Variants in GLRA1 observed in about 807,000 individuals in gnomAD.
The protein encoded by GLRA1 is glycine receptor subunit alpha-1.
A neutral mutation model predicts 48.3 loss-of-function variants in GLRA1; 37 were observed. The ratio of observed to expected loss-of-function variants is 0.77; its 90% CI spans 0.59 to 1.01. The LOEUF (loss-of-function observed/expected upper bound fraction) is 1.01. GLRA1 is among the 50% of genes least tolerant of loss of function. The pLI is 0.00. For synonymous variants in GLRA1, 196 were observed against 210.7 expected (o/e 0.93, Z 0.60); for missense variants, 427 against 571.0 (o/e 0.75, Z 2.57).
chr5:151,836,927 C>T (rs1317768302), intron 7 of GLRA1, among the ~76,000 whole-genome samples: 1 of 152,038 alleles, frequency 6.6e-6, no homozygotes, highest in Non-Finnish European at 1.5e-5. Flanking sequence ...GCAACAAAAG[C>T]CAAAATTGAC....
In GLRA1 at chr5:151,924,851, T is replaced by G; in HGVS notation, c.-302A>C. On this transcript the variant is annotated 5_prime_UTR_variant, in exon 1 of 9. Transcript: ENST00000274576. The stretch of plus-strand genomic sequence containing the variant: ...CGTGTCTGTTGGCTCCCTGCGGCGC[T>G]GGGGAGGCACGTTTGGGGGTGGGTA... 1.8e-5 allele frequency: 8 copies of G among 439,422 alleles called. No homozygotes were observed. The highest frequency in any genetic ancestry group is 8.6e-5 in the East Asian group (2 of 23,378). 27.2% of individuals were successfully genotyped at this position (439,422 alleles called of 1,614,324 possible). A position where few individuals can be genotyped will look rare whatever the true frequency, so the allele number is the denominator to read the frequency against.
chr5:151,850,785 CA>C (rs1358069766), intron 7 of GLRA1: 4 of 916,050 alleles, frequency 4.4e-6, no homozygotes, highest in Non-Finnish European at 7.3e-6. Flanking sequence ...CCTTCCAGTA[CA>C]AAAACTAAGT....
chr5:151,866,576 A>G (rs1347013196), intron 3 of GLRA1, among the ~76,000 whole-genome samples: 1 of 152,228 alleles, frequency 6.6e-6, no homozygotes, highest in Non-Finnish European at 1.5e-5. Flanking sequence ...GGTAAACAAA[A>G]GAACCAGATT....
chr5:151,822,949 T>C lies in GLRA1; in HGVS notation c.1074A>G (p.Gly358=), dbSNP rs377129430. ...AGGCAGAGAAGTTAAAGCGGCCTTC[T>C]CCAGCTTCATCCTCCTGGAATAGAT... The part of the protein sequence containing the change: ...KRRHHKEDEA[G]EGRFNFSAYG... Residue 358 remains glycine (G), a synonymous_variant, in exon 9 of 9, where the codon GGA becomes GGG. Transcript: ENST00000274576. The C allele has an allele frequency of 6.2e-7, 1 of 1,606,670 alleles. No individual in the cohort carries two copies. Among genetic ancestry groups the C allele is most frequent in the Non-Finnish European group, 8.5e-7 (1 of 1,175,220 alleles).
chr5:151,914,310 C>T (rs76979673), intron 1 of GLRA1, among the ~76,000 whole-genome samples: 1,618 of 152,226 alleles, frequency 0.011, 31 homozygotes, highest in African/African-American at 0.038. Context: ...GAGGGCTGGC[C>T]CTTTCTGCTC....
chr5:151,901,662 G>A (rs990604605), intron 1 of GLRA1, among the ~76,000 whole-genome samples: 2 of 152,178 alleles, frequency 1.3e-5, no homozygotes, highest in Admixed American at 6.5e-5. Context: ...TTAATCAGCA[G>A]GCATTGGTCA....
chr5:151,823,476 C>T (rs896015767), intron 8 of GLRA1, among the ~76,000 whole-genome samples: 10 of 152,176 alleles, frequency 6.6e-5, no homozygotes, highest in African/African-American at 2.4e-4. Flanking sequence ...CTTCCCCATC[C>T]CATTCCCCAG....
intron 3 of GLRA1, among the ~76,000 whole-genome samples, chr5:151,864,197 GA>G (rs1368616893): frequency 2.6e-5 from 4 of 152,052 alleles, no homozygotes; most frequent in Admixed American, 2.0e-4. Context: ...AGAGTGAACA[GA>G]CTATGAATGG....
At chr5:151,908,000 G>A (rs918189592) in intron 1 of GLRA1, among the ~76,000 whole-genome samples, 13 of 152,184 alleles carry the variant, frequency 8.5e-5, no homozygotes, top group African/African-American at 2.4e-5. Context: ...CCATAATCTG[G>A]CCTGGAGGAG....
intron 7 of GLRA1, chr5:151,850,380 G>A (rs1411828067): frequency 2.4e-5 from 32 of 1,324,852 alleles, no homozygotes; most frequent in Admixed American, 8.4e-5. Flanking sequence ...TGGAGTGATA[G>A]CAACCTTTGA....
chr5:151,851,042 T>C (rs1752892418), intron 7 of GLRA1, among the ~76,000 whole-genome samples: 1 of 152,208 alleles, frequency 6.6e-6, no homozygotes. Flanking sequence ...GTATTTACTA[T>C]TAATGGTGAA....
chr5:151,893,226 A>G (rs2113419163), intron 1 of GLRA1, among the ~76,000 whole-genome samples: 1 of 152,196 alleles, frequency 6.6e-6, no homozygotes, highest in East Asian at 1.9e-4. Context: ...TTAAGGCCCC[A>G]TTCACACCAC....
chr5:151,887,380 C>T (rs1753934696), intron 2 of GLRA1, among the ~76,000 whole-genome samples: 1 of 152,186 alleles, frequency 6.6e-6, no homozygotes, highest in African/African-American at 2.4e-5. Flanking sequence ...TGTCTCATTC[C>T]TAGAGGAGAT....
intron 3 of GLRA1, among the ~76,000 whole-genome samples, chr5:151,876,385 G>A (rs1177347339): frequency 3.9e-5 from 6 of 152,016 alleles, no homozygotes; most frequent in African/African-American, 1.2e-4. Flanking sequence ...AGTAAAATCA[G>A]TCAATTTGGT....
At chr5:151,833,680 C>G (rs1763483466) in intron 7 of GLRA1, among the ~76,000 whole-genome samples, 3 of 151,784 alleles carry the variant, frequency 2.0e-5, no homozygotes, top group Non-Finnish European at 4.4e-5. Context: ...TCAGGCTAGT[C>G]TCGAACTCCT....
intron 1 of GLRA1, among the ~76,000 whole-genome samples, chr5:151,898,513 C>T (rs774342337): frequency 2.0e-5 from 3 of 152,102 alleles, no homozygotes; most frequent in Non-Finnish European, 2.9e-5. Flanking sequence ...TGCATGGCAC[C>T]ACACCCCCAA....
intron 1 of GLRA1, among the ~76,000 whole-genome samples, chr5:151,900,896 G>A (rs1445956381): frequency 2.0e-5 from 3 of 152,114 alleles, no homozygotes; most frequent in Non-Finnish European, 4.4e-5. Flanking sequence ...ACAGAGCCTG[G>A]CACATAGTCA....
rs111997920 is a variant in GLRA1, at chr5:151,849,989, A to G, written c.912+1401T>C. 6,849 of 1,599,624 alleles carry G rather than the reference A, an allele frequency of 4.3e-3. 207 individuals carry two copies. In the African/African-American group the frequency reaches 0.065, roughly 15 times the overall value. On this transcript the variant is annotated intron_variant, in intron 7 of 8. Transcript: ENST00000274576. ...GTGTTCTGTGAAGTTTTCGAGTACA[A>G]CCGAAAGCCTGCAGTGACCAATTTG...
intron 8 of GLRA1, among the ~76,000 whole-genome samples, chr5:151,824,064 C>T (rs570175864): frequency 6.6e-6 from 1 of 151,036 alleles, no homozygotes; most frequent in South Asian, 2.1e-4. Context: ...TCTGCTTGTT[C>T]CTGTGCAGGA....
Sources: gnomAD v4.1 joint callset for allele counts (sites outside exome capture counted in the v4.1 genomes callset) on GRCh38, gnomAD v4.1.1 for gene constraint, MANE v1.5 for transcripts, NCBI Gene and HGNC (gene_info 2026-07-23, HGNC 2026-07-21) for gene names.